KCNT2: variants seen among roughly 807,000 people sequenced by gnomAD.
KCNT2 encodes the protein potassium sodium-activated channel subfamily T member 2.
KCNT2 carries 67 observed loss-of-function variants against 153.8 expected under a neutral mutation model. That is an observed-to-expected ratio of 0.44 (90% confidence interval 0.36 to 0.53). The LOEUF (loss-of-function observed/expected upper bound fraction) is 0.53, where lower values mean the gene tolerates loss of function less well. Ranked by LOEUF, KCNT2 falls within the 20% of genes least tolerant of loss-of-function variation. The pLI is 0.00. For synonymous variants in KCNT2, 500 were observed against 458.8 expected, an observed-to-expected ratio of 1.09 and a Z score of -1.15; for missense variants, 975 against 1,354.8, an observed-to-expected ratio of 0.72 and a Z score of 4.40.
intron 1 of KCNT2, among the ~76,000 whole-genome samples, chr1:196,567,124 G>T (rs1453060666): frequency 6.6e-6 from 1 of 151,920 alleles, no homozygotes; most frequent in Non-Finnish European, 1.5e-5. Flanking sequence ...AATTAAATAT[G>T]AATTCCTTAA....
chr1:196,537,832 T>A (rs1284033274), intron 1 of KCNT2, among the ~76,000 whole-genome samples: 3 of 152,168 alleles, frequency 2.0e-5, no homozygotes, highest in African/African-American at 2.4e-5. Context: ...GTTGGGGCAT[T>A]CTTATCTCTC....
chr1:196,394,590 G>A (rs1053148664), intron 13 of KCNT2, among the ~76,000 whole-genome samples: 2 of 151,506 alleles, frequency 1.3e-5, no homozygotes, highest in African/African-American at 4.8e-5. Context: ...TATTGACCAT[G>A]CAGTTGAAGA....
chr1:196,485,616 G>A (rs1463791659), intron 3 of KCNT2, among the ~76,000 whole-genome samples: 3 of 151,576 alleles, frequency 2.0e-5, no homozygotes, highest in Admixed American at 6.6e-5. Flanking sequence ...ACTATGTCTT[G>A]TGAAATAGGC....
intron 13 of KCNT2, among the ~76,000 whole-genome samples, chr1:196,380,755 T>C (rs1669408956): frequency 6.6e-6 from 1 of 152,206 alleles, no homozygotes; most frequent in Admixed American, 6.5e-5. Context: ...CTTTGCTTAT[T>C]AGATTCTATT....
chr1:196,447,316 CTTT>C, intron 8 of KCNT2, among the ~76,000 whole-genome samples: 1 of 151,716 alleles, frequency 6.6e-6, no homozygotes, highest in African/African-American at 2.4e-5. Context: ...AGAAAGATTT[CTTT>C]AAGTATTTGA....
intron 1 of KCNT2, among the ~76,000 whole-genome samples, chr1:196,505,925 G>A (rs529523029): frequency 2.0e-4 from 30 of 151,940 alleles, no homozygotes; most frequent in South Asian, 6.3e-4. Flanking sequence ...ATTTTTGTAC[G>A]TTGATTTTGT....
chr1:196,513,138 A>G (rs1158833961), intron 1 of KCNT2, among the ~76,000 whole-genome samples: 1 of 152,196 alleles, frequency 6.6e-6, no homozygotes, highest in Non-Finnish European at 1.5e-5. Flanking sequence ...AGTCACAGTA[A>G]AGTTTGTCAT....
chr1:196,227,075 G>T lies in KCNT2; in HGVS notation c.*1149C>A, dbSNP rs374892258. On this transcript the variant is annotated 3_prime_UTR_variant, in exon 28 of 28. Transcript: ENST00000294725. ...TTATAACTCAAATTCTGCATGATTTGCATTAATGTTAAAAGCCAAGAACTA... is the reference window on the plus strand; with the variant it reads ...TTATAACTCAAATTCTGCATGATTTTCATTAATGTTAAAAGCCAAGAACTA... The T allele has an allele frequency of 2.0e-5, 3 of 152,006 alleles. No homozygotes were observed. Among genetic ancestry groups the T allele is most frequent in the South Asian group, 4.1e-4 (2 of 4,820 alleles). 9.4% of individuals were successfully genotyped at this position (152,006 alleles called of 1,614,324 possible).
At chr1:196,517,267 C>A (rs1305177204) in intron 1 of KCNT2, among the ~76,000 whole-genome samples, 1 of 152,108 alleles carries the variant, frequency 6.6e-6, no homozygotes, top group Non-Finnish European at 1.5e-5. Flanking sequence ...CCCACTTTAC[C>A]ACTTTAATCA....
chr1:196,243,800 G>A (rs1052313299), intron 26 of KCNT2, among the ~76,000 whole-genome samples: 7 of 152,154 alleles, frequency 4.6e-5, no homozygotes, highest in African/African-American at 1.4e-4. Flanking sequence ...AAGTCCTGGA[G>A]CTGTGTTGGA....
At chr1:196,368,584 C>CCT (rs1315587838) in intron 14 of KCNT2, among the ~76,000 whole-genome samples, 4 of 152,110 alleles carry the variant, frequency 2.6e-5, no homozygotes. Context: ...CAGAGAACAG[C>CCT]CTCCAAAATG....
intron 12 of KCNT2, among the ~76,000 whole-genome samples, chr1:196,413,050 AG>A: frequency 6.6e-6 from 1 of 151,822 alleles, no homozygotes; most frequent in South Asian, 2.1e-4. Flanking sequence ...TATTCTTTTA[AG>A]GGATAAACTA....
chr1:196,415,908 A>G (rs1195913895), intron 12 of KCNT2, among the ~76,000 whole-genome samples: 1 of 151,990 alleles, frequency 6.6e-6, no homozygotes, highest in African/African-American at 2.4e-5. Flanking sequence ...CTTTCCTTAT[A>G]TAATAGTGCC....
chr1:196,510,967 G>T (rs1227296265), intron 1 of KCNT2, among the ~76,000 whole-genome samples: 1 of 152,138 alleles, frequency 6.6e-6, no homozygotes, highest in Non-Finnish European at 1.5e-5. Context: ...AGAGGAAATT[G>T]TTTTACCACA....
chr1:196,378,636 C>T (rs1669177903), intron 13 of KCNT2, among the ~76,000 whole-genome samples: 1 of 150,240 alleles, frequency 6.7e-6, no homozygotes, highest in African/African-American at 2.4e-5. Context: ...CCTTTAGGCA[C>T]CCAAGAAACC....
intron 1 of KCNT2, among the ~76,000 whole-genome samples, chr1:196,556,474 CT>C (rs1237321376): frequency 2.6e-5 from 4 of 151,302 alleles, no homozygotes; most frequent in African/African-American, 7.3e-5. Flanking sequence ...GTTAAAATGG[CT>C]TTTTTCCAAA....
chr1:196,556,390 T>C (rs1167567615), intron 1 of KCNT2, among the ~76,000 whole-genome samples: 1 of 151,472 alleles, frequency 6.6e-6, no homozygotes, highest in Admixed American at 6.6e-5. Flanking sequence ...AACAGGTATA[T>C]GAGAAGGAAC....
At chr1:196,581,498 C>T (rs1051028856) in intron 1 of KCNT2, among the ~76,000 whole-genome samples, 4 of 151,808 alleles carry the variant, frequency 2.6e-5, no homozygotes, top group Non-Finnish European at 5.9e-5. Flanking sequence ...GTGAATATTG[C>T]CCCATTTTTT....
chr1:196,269,362 T>C (rs1055387152), intron 25 of KCNT2, among the ~76,000 whole-genome samples: 1 of 152,082 alleles, frequency 6.6e-6, no homozygotes, highest in Non-Finnish European at 1.5e-5. Context: ...TGTATATGTG[T>C]GTGTGTGTGT....
Sources: allele counts gnomAD v4.1 joint callset (sites outside exome capture counted in the v4.1 genomes callset), GRCh38; gene constraint gnomAD v4.1.1; transcripts MANE v1.5; gene names NCBI Gene and HGNC (gene_info 2026-07-23, HGNC 2026-07-21).